Variants in ADAMTS19 observed in about 807,000 individuals in gnomAD.
ADAMTS19 encodes A disintegrin and metalloproteinase with thrombospondin motifs 19.
In ADAMTS19, 93 loss-of-function variants were observed where a neutral mutation model predicts 153.3. The observed-to-expected ratio is 0.61, with a 90% CI of 0.51 to 0.72. The LOEUF is 0.72. Ranked by LOEUF, ADAMTS19 falls within the 30% of genes least tolerant of loss-of-function variation. The probability of loss-of-function intolerance (pLI) is 0.00; values close to 1 mark genes in which losing one functional copy is unlikely to be tolerated. For synonymous variants in ADAMTS19, 600 were observed against 556.6 expected (o/e 1.08, Z -1.10); for missense variants, 1,482 against 1,552.1 (o/e 0.95, Z 0.76).
intron 11 of ADAMTS19, among the ~76,000 whole-genome samples, chr5:129,642,837 G>T (rs1752855673): frequency 8.0e-6 from 1 of 124,854 alleles, no homozygotes; most frequent in Non-Finnish European, 1.6e-5. Context: ...AAAATGGACA[G>T]AAATGAAGCT....
At chr5:129,544,657 GT>G (rs1752790925) in intron 6 of ADAMTS19, among the ~76,000 whole-genome samples, 1 of 152,162 alleles carries the variant, frequency 6.6e-6, no homozygotes, top group African/African-American at 2.4e-5. Flanking sequence ...CTAAGGTAAT[GT>G]GGTAGCTTCC....
chr5:129,609,295 T>C lies in ADAMTS19; in HGVS notation c.1479-11323T>C, dbSNP rs565310073. Reference sequence around the variant, plus strand: ...ATCAATCTGTCTGTATTCATTTCCTTTATTCCTAAAATTTGGATAGTTTTT... The same window carrying C: ...ATCAATCTGTCTGTATTCATTTCCTCTATTCCTAAAATTTGGATAGTTTTT... On this transcript the variant is annotated intron_variant, in intron 8 of 22. Transcript: ENST00000274487. 1.1e-4 allele frequency among the ~76,000 whole-genome samples: 17 copies of C among 152,316 alleles called. 1 individual carries two copies. The highest frequency in any genetic ancestry group is 3.4e-3 in the Middle Eastern group (1 of 294).
At chr5:129,725,489 C>T (rs1474118064) in intron 21 of ADAMTS19, among the ~76,000 whole-genome samples, 1 of 152,074 alleles carries the variant, frequency 6.6e-6, no homozygotes, top group African/African-American at 2.4e-5. Context: ...AGTTAAACTC[C>T]ACCATTTTTC....
chr5:129,560,320 T>G (rs1753456701), intron 7 of ADAMTS19, among the ~76,000 whole-genome samples: 1 of 152,210 alleles, frequency 6.6e-6, no homozygotes. Flanking sequence ...AGGTTGTTTT[T>G]CTTATCATTT....
At chr5:129,498,828 TC>T (rs1200015440) in intron 2 of ADAMTS19, among the ~76,000 whole-genome samples, 2 of 151,718 alleles carry the variant, frequency 1.3e-5, no homozygotes, top group Non-Finnish European at 2.9e-5. Flanking sequence ...TTTCTTTGTT[TC>T]TTTAATACTG....
chr5:129,460,745 G>T, intron 1 of ADAMTS19: 1 of 572,086 alleles, frequency 1.7e-6, no homozygotes, highest in Non-Finnish European at 3.1e-6. Flanking sequence ...AGCACCTGGA[G>T]GAAAATTAGA....
At chr5:129,671,323 C>T (rs1754291553) in intron 16 of ADAMTS19, among the ~76,000 whole-genome samples, 1 of 152,016 alleles carries the variant, frequency 6.6e-6, no homozygotes, top group Admixed American at 6.6e-5. Flanking sequence ...AGGATGACTT[C>T]TAGGTTTCTG....
chr5:129,624,519 C>G, intron 10 of ADAMTS19, among the ~76,000 whole-genome samples: 1 of 152,132 alleles, frequency 6.6e-6, no homozygotes, highest in Non-Finnish European at 1.5e-5. Flanking sequence ...GTCACTGTCA[C>G]TGGAGCATTG....
Position 129,575,687 on chromosome 5 carries a change from A to G in ADAMTS19, c.1373-20872A>G, listed in dbSNP as rs551162349. Among the ~76,000 whole-genome samples, 44 of 152,174 alleles carry G rather than the reference A, an allele frequency of 2.9e-4. No homozygotes were observed. In the South Asian group the frequency reaches 4.8e-3, roughly 17 times the overall value. On this transcript the variant is annotated intron_variant, in intron 7 of 22. Transcript: ENST00000274487. ...CTGTGAAGTAGTGTTCCCATTACTG[A>G]TTTACAAGAGTTAGTTGTGTAATCT...
chr5:129,644,328 T>C (rs1446305948), intron 11 of ADAMTS19, among the ~76,000 whole-genome samples: 1 of 152,204 alleles, frequency 6.6e-6, no homozygotes, highest in South Asian at 2.1e-4. Flanking sequence ...CACTCTGCCA[T>C]TGTGTGCAGT....
intron 14 of ADAMTS19, among the ~76,000 whole-genome samples, chr5:129,658,310 A>AG (rs1561632087): frequency 0.095 from 1,744 of 18,422 alleles, 156 homozygotes; most frequent in African/African-American, 0.19. Flanking sequence ...AAAGAAAGAA[A>AG]AAGAAAGAAA....
In ADAMTS19 at chr5:129,460,395, G is replaced by A. The variant is rs754224119; in HGVS notation, c.4G>A (p.Gly2Arg). Residue 2 changes from glycine to arginine, a missense_variant, in exon 1 of 23, where the codon GGG becomes AGG. Physicochemically the swap from Gly to Arg is moderately radical, Grantham distance 125 (BLOSUM62 -2). Around this residue, in one of 2 missense-constraint regions of ADAMTS19, gnomAD observed 866 missense variants for 827.7 expected, o/e 1.05. Transcript: ENST00000274487. ...GCCGCGGCCGCGGGAGCGCAGTATG[G>A]GGAAGAACCGCGAGATGCGCCTGAC... M[G>R]KNREMRLTHI... The A allele has an allele frequency of 1.9e-6, 3 of 1,613,598 alleles. No individual in the cohort carries two copies. Among genetic ancestry groups the A allele is most frequent in the African/African-American group, 1.3e-5 (1 of 75,054 alleles).
chr5:129,562,281 T>C (rs1383447245), intron 7 of ADAMTS19, among the ~76,000 whole-genome samples: 1 of 152,226 alleles, frequency 6.6e-6, no homozygotes. Context: ...TAAATGTATA[T>C]ACTCAAGTGT....
intron 10 of ADAMTS19, among the ~76,000 whole-genome samples, chr5:129,627,308 T>C (rs865962793): frequency 3.9e-5 from 6 of 151,984 alleles, no homozygotes; most frequent in Middle Eastern, 3.2e-3. Context: ...AATTAAGATC[T>C]TGGAGGTAAT....
At position 129,551,921 on chromosome 5, in the gene ADAMTS19, T is replaced by G. The variant is rs750987513; in HGVS notation, c.1372+14T>G. ...GTGATACTGTTGGTAAGTGTGAAAA[T>G]TCTCACACTTTTGGAGTTCTGGAGA... On this transcript the variant is annotated intron_variant, in intron 7 of 22. Coordinates refer to ENST00000274487, the MANE Select transcript of ADAMTS19 (RefSeq NM_133638.6). The G allele has an allele frequency of 3.2e-6, 5 of 1,548,938 alleles. No homozygotes were observed. Among genetic ancestry groups the G allele is most frequent in the Non-Finnish European group, 4.4e-6 (5 of 1,147,118 alleles).
intron 7 of ADAMTS19, among the ~76,000 whole-genome samples, chr5:129,582,349 A>G (rs959004779): frequency 6.6e-6 from 1 of 150,968 alleles, no homozygotes; most frequent in Non-Finnish European, 1.5e-5. Flanking sequence ...CCATTATGTA[A>G]TGCCCTTCTT....
At position 129,642,350 on chromosome 5, in the gene ADAMTS19, A is replaced by G. The variant is rs140682953; in HGVS notation, c.1872+390A>G. ...AAGTATAAAATAATTGACTTAGGAGAGCAACTGAGTATTTTTTCTTTGTCA... is the reference window on the plus strand; with the variant it reads ...AAGTATAAAATAATTGACTTAGGAGGGCAACTGAGTATTTTTTCTTTGTCA... On this transcript the variant is annotated intron_variant, in intron 11 of 22. Coordinates refer to ENST00000274487, the MANE Select transcript of ADAMTS19 (RefSeq NM_133638.6). 4.5e-3 allele frequency among the ~76,000 whole-genome samples: 691 copies of G among 152,164 alleles called. 6 individuals carry two copies. Among genetic ancestry groups the G allele is most frequent in the African/African-American group, 0.015 (631 of 41,516 alleles).
chr5:129,709,797 A>C (rs74425854), intron 21 of ADAMTS19, among the ~76,000 whole-genome samples: 1 of 152,312 alleles, frequency 6.6e-6, no homozygotes, highest in African/African-American at 2.4e-5. Flanking sequence ...GCCAGCAGTC[A>C]ATACAAGTGA....
At chr5:129,477,408 T>C (rs1750260854) in intron 2 of ADAMTS19, among the ~76,000 whole-genome samples, 1 of 152,300 alleles carries the variant, frequency 6.6e-6, no homozygotes, top group East Asian at 1.9e-4. Context: ...TTTGTGTGAA[T>C]TGATACAACC....
Sources: allele counts gnomAD v4.1 joint callset (sites outside exome capture counted in the v4.1 genomes callset), GRCh38; gene constraint gnomAD v4.1.1; regional missense constraint gnomAD v4.1.1; transcripts MANE v1.5; gene names NCBI Gene and HGNC (gene_info 2026-07-23, HGNC 2026-07-21).